NRG2: variants seen among roughly 807,000 people sequenced by gnomAD.
NRG2 encodes the protein neuregulin 2, also known as pro-neuregulin-2, membrane-bound isoform.
A neutral mutation model predicts 73.9 loss-of-function variants in NRG2; 27 were observed. The ratio of observed to expected loss-of-function variants is 0.37; its 90% CI spans 0.27 to 0.50. The LOEUF is 0.50. NRG2 is among the 20% of genes least tolerant of loss of function. The probability of loss-of-function intolerance (pLI) is 0.96; values close to 1 mark genes in which losing one functional copy is unlikely to be tolerated. For missense variants in NRG2, 1,126 were observed against 1,210.1 expected, an observed-to-expected ratio of 0.93 and a Z score of 1.03; for synonymous variants, 532 against 541.0, an observed-to-expected ratio of 0.98 and a Z score of 0.23.
At chr5:139,860,098 CA>C (rs1238297009) in intron 5 of NRG2, among the ~76,000 whole-genome samples, 2 of 152,128 alleles carry the variant, frequency 1.3e-5, no homozygotes. Context: ...CCTTCCCTGA[CA>C]CCCAGTCCCC....
At chr5:139,918,628 G>T (rs554377711) in intron 1 of NRG2, among the ~76,000 whole-genome samples, 3 of 152,176 alleles carry the variant, frequency 2.0e-5, no homozygotes, top group Non-Finnish European at 4.4e-5. Flanking sequence ...AACACTGAGA[G>T]AAGTTGGGAA....
At chr5:139,884,279 C>A (rs1314890144) in intron 2 of NRG2, among the ~76,000 whole-genome samples, 1 of 152,100 alleles carries the variant, frequency 6.6e-6, no homozygotes, top group Admixed American at 6.5e-5. Flanking sequence ...GGAAGGTGTC[C>A]CAGAGAGAAG....
chr5:139,943,313 A>ATT (rs369698409), intron 1 of NRG2, among the ~76,000 whole-genome samples: 1 of 150,460 alleles, frequency 6.6e-6, no homozygotes, highest in African/African-American at 2.4e-5. Flanking sequence ...TGCCTGGCTA[A>ATT]TTTTTTTTGT....
chr5:139,976,527 C>G (rs76121046), intron 1 of NRG2, among the ~76,000 whole-genome samples: 128 of 152,320 alleles, frequency 8.4e-4, no homozygotes, highest in African/African-American at 3.0e-3. Flanking sequence ...GTGCCAATGA[C>G]TCACTGGGCT....
chr5:139,919,475 G>A lies in NRG2; in HGVS notation c.701-31964C>T, dbSNP rs953945033. ...ACACATCTTAGCCCTCATGGGATTCGTTTTTATCAGGGTAGAGGTGGGTGT... is the reference window on the plus strand; with the variant it reads ...ACACATCTTAGCCCTCATGGGATTCATTTTTATCAGGGTAGAGGTGGGTGT... On this transcript the variant is annotated intron_variant, in intron 1 of 9. Transcript: ENST00000361474. Among the ~76,000 whole-genome samples, 7 of 152,202 alleles carry A rather than the reference G, an allele frequency of 4.6e-5. No homozygotes were observed. The South Asian group carries it at 6.2e-4, about 14-fold the overall frequency.
At position 139,904,447 on chromosome 5, in the gene NRG2, G is replaced by T; in HGVS notation, c.701-16936C>A. On this transcript the variant is annotated intron_variant, in intron 1 of 9. Coordinates refer to ENST00000361474, the MANE Select transcript of NRG2 (RefSeq NM_004883.3). This position sits in a 1 kb window ranked among gnomAD's most constrained non-coding sequence, Gnocchi z 6.0. ...GACGGCCTCAGCTCTCCGCTGCCGC[G>T]CTGCGCCCCCGCCGCCTGCAGCCTC... 8.6e-7 allele frequency: 1 copy of T among 1,159,302 alleles called. No individual in the cohort carries two copies. Among genetic ancestry groups the T allele is most frequent in the Non-Finnish European group, 1.2e-6 (1 of 813,472 alleles). The allele number at this position is 1,159,302 out of a possible 1,614,324, so 71.8% of individuals were successfully genotyped here.
intron 1 of NRG2, among the ~76,000 whole-genome samples, chr5:140,031,997 C>T (rs1761192489): frequency 1.3e-5 from 2 of 152,134 alleles, no homozygotes; most frequent in South Asian, 4.1e-4. Flanking sequence ...ATTGAGCTCC[C>T]ACCACCCCCT....
intron 1 of NRG2, among the ~76,000 whole-genome samples, chr5:139,982,591 A>C (rs940563566): frequency 6.6e-6 from 1 of 152,244 alleles, no homozygotes; most frequent in African/African-American, 2.4e-5. Context: ...TAAGAAAGCC[A>C]GCAGAGCGCG....
intron 1 of NRG2, among the ~76,000 whole-genome samples, chr5:140,024,058 GAAT>G (rs1364567946): frequency 3.3e-5 from 5 of 152,050 alleles, no homozygotes; most frequent in Non-Finnish European, 7.4e-5. Flanking sequence ...CCTGTCAACT[GAAT>G]GTACCCCTTC....
At chr5:139,953,916 A>G (rs1020319991) in intron 1 of NRG2, among the ~76,000 whole-genome samples, 5 of 152,156 alleles carry the variant, frequency 3.3e-5, no homozygotes, top group African/African-American at 9.7e-5. Context: ...AGGGTCCCCC[A>G]ACGCAGGATT....
At chr5:139,977,713 C>A in intron 1 of NRG2, among the ~76,000 whole-genome samples, 1 of 152,152 alleles carries the variant, frequency 6.6e-6, no homozygotes, top group Admixed American at 6.5e-5. Context: ...GCTACAGTAA[C>A]CAAAACAGCA....
chr5:139,889,109 A>T (rs921996416), intron 1 of NRG2, among the ~76,000 whole-genome samples: 7 of 152,196 alleles, frequency 4.6e-5, no homozygotes, highest in Non-Finnish European at 1.5e-5. Flanking sequence ...AGAGGGTTCC[A>T]TGGGAAAATG....
At chr5:139,978,063 G>A (rs373477237) in intron 1 of NRG2, among the ~76,000 whole-genome samples, 9,678 of 152,194 alleles carry the variant, frequency 0.064, 427 homozygotes, top group African/African-American at 0.11. Context: ...AACACCAAAA[G>A]CAATGGCAAC....
intron 4 of NRG2, among the ~76,000 whole-genome samples, chr5:139,867,801 AGTGTGTGTGT>A (rs1202470798): frequency 0.059 from 4,672 of 78,902 alleles, 116 homozygotes; most frequent in Middle Eastern, 0.17. Flanking sequence ...TGTGTGTATG[AGTGTGTGTGT>A]GTGTGTGTGT....
chr5:139,997,632 T>C (rs892210612), intron 1 of NRG2, among the ~76,000 whole-genome samples: 2 of 152,232 alleles, frequency 1.3e-5, no homozygotes, highest in Non-Finnish European at 2.9e-5. Context: ...TGGGGCATCA[T>C]CTGGCAAATA....
Position 139,855,678 on chromosome 5 carries a change from G to A in NRG2, c.1290C>T (p.Thr430=). The change falls in exon 6 of 10, where the codon ACC becomes ACT. Residue 430 remains threonine (T), a splice_region_variant and synonymous_variant. Transcript: ENST00000361474. ...CAGCTTGAGTGACTGACACTCACTT[G>A]GTCTTGCAGTAGGCCACCACACAGA... ...GIVCVVAYCK[T]KKQRKQMHNH... is the part of the protein sequence containing the mutation. 2 of 1,613,028 alleles carry A rather than the reference G, an allele frequency of 1.2e-6. No individual in the cohort carries two copies. Among genetic ancestry groups the A allele is most frequent in the Non-Finnish European group, 1.7e-6 (2 of 1,179,090 alleles).
intron 2 of NRG2, among the ~76,000 whole-genome samples, chr5:139,884,486 C>G (rs1763738561): frequency 6.6e-6 from 1 of 152,174 alleles, no homozygotes; most frequent in African/African-American, 2.4e-5. Flanking sequence ...CAAGGCTGTA[C>G]CTGGCATGCA....
chr5:139,932,636 C>G (rs888825382), intron 1 of NRG2, among the ~76,000 whole-genome samples: 2 of 151,756 alleles, frequency 1.3e-5, no homozygotes. Context: ...CCTTATCACA[C>G]AAAAAATACT....
At position 139,954,859 on chromosome 5, in the gene NRG2, G is replaced by A. The variant is rs949788474; in HGVS notation, c.701-67348C>T. ...TAGAAAATGCTTGGAACAGAGCCTG[G>A]CACACAGTAAACATTAGCTATTGGT... is the stretch of plus-strand genomic sequence containing the variant. On this transcript the variant is annotated intron_variant, in intron 1 of 9. Transcript: ENST00000361474. This position sits in a 1 kb window ranked among gnomAD's most constrained non-coding sequence, Gnocchi z 5.0. Among the ~76,000 whole-genome samples the A allele has an allele frequency of 6.6e-6, 1 of 152,120 alleles. No homozygotes were observed. The highest frequency in any genetic ancestry group is 1.5e-5 in the Non-Finnish European group (1 of 68,048).
Sources: allele counts gnomAD v4.1 joint callset (sites outside exome capture counted in the v4.1 genomes callset), GRCh38; gene constraint gnomAD v4.1.1; non-coding constraint Gnocchi (gnomAD v3.1); transcripts MANE v1.5; gene names NCBI Gene and HGNC (gene_info 2026-07-23, HGNC 2026-07-21).